The following PTPRT variants were observed in gnomAD, a reference collection of about 807,000 sequenced individuals.
The protein encoded by PTPRT is receptor-type tyrosine-protein phosphatase T.
A neutral mutation model predicts 176.8 loss-of-function variants in PTPRT; 56 were observed. The ratio of observed to expected loss-of-function variants is 0.32; its 90% CI spans 0.26 to 0.40. PTPRT has a LOEUF of 0.40. PTPRT is among the 10% of genes least tolerant of loss of function. The pLI, the probability that PTPRT is intolerant of heterozygous loss-of-function variation, is 1.00. For missense variants in PTPRT, 1,540 were observed against 1,908.2 expected (o/e 0.81, Z 3.60); for synonymous variants, 783 against 739.0 (o/e 1.06, Z -0.96).
At chr20:42,323,304 T>C (rs1050127188) in intron 11 of PTPRT, among the ~76,000 whole-genome samples, 5 of 152,134 alleles carry the variant, frequency 3.3e-5, no homozygotes, top group Non-Finnish European at 4.4e-5. Context: ...TAAAGACACA[T>C]GCACACATAT....
chr20:42,617,046 G>A lies in PTPRT; in HGVS notation c.1153+60820C>T, dbSNP rs1478791482. Among the ~76,000 whole-genome samples, 7 of 136,544 alleles carry A rather than the reference G, an allele frequency of 5.1e-5. 1 individual carries two copies. The highest frequency in any genetic ancestry group is 2.3e-4 in the African/African-American group (7 of 30,648). The allele number at this position is 136,544 out of a possible 152,430, so 89.6% of individuals were successfully genotyped here. On this transcript the variant is annotated intron_variant, in intron 7 of 30. Coordinates refer to ENST00000373187, the MANE Select transcript of PTPRT (RefSeq NM_007050.6). Reference sequence around the variant, plus strand: ...TTCCAAGGGAATGCTTCCAGTTTTTGCCCATTCAGTATGATATTGGCTGTG... The same window carrying A: ...TTCCAAGGGAATGCTTCCAGTTTTTACCCATTCAGTATGATATTGGCTGTG...
At chr20:42,821,303 A>G (rs1274350016) in intron 2 of PTPRT, among the ~76,000 whole-genome samples, 1 of 152,228 alleles carries the variant, frequency 6.6e-6, no homozygotes, top group African/African-American at 2.4e-5. Context: ...AGAACCAAAG[A>G]CAAAAACCAC....
At chr20:42,842,017 CTAA>C (rs10554760) in intron 2 of PTPRT, among the ~76,000 whole-genome samples, 13,260 of 152,234 alleles carry the variant, frequency 0.087, 705 homozygotes, top group Admixed American at 0.15. Context: ...CACGTTCATT[CTAA>C]TCATCACAGT....
intron 1 of PTPRT, among the ~76,000 whole-genome samples, chr20:43,153,503 T>A (rs900151288): frequency 2.0e-5 from 3 of 152,192 alleles, no homozygotes; most frequent in Non-Finnish European, 2.9e-5. Context: ...GTTATCTGTA[T>A]AAAGGTTAGT....
chr20:43,070,291 A>G (rs866999934), intron 1 of PTPRT, among the ~76,000 whole-genome samples: 2 of 152,070 alleles, frequency 1.3e-5, no homozygotes, highest in African/African-American at 2.4e-5. Context: ...TCTCACACCA[A>G]TTAGAATGGC....
At chr20:42,539,017 C>T (rs567962269) in intron 7 of PTPRT, among the ~76,000 whole-genome samples, 1 of 152,282 alleles carries the variant, frequency 6.6e-6, no homozygotes, top group South Asian at 2.1e-4. Flanking sequence ...GTACAAACTC[C>T]TATTTCACTA....
At chr20:43,163,617 T>A (rs1053984493) in intron 1 of PTPRT, among the ~76,000 whole-genome samples, 1 of 149,246 alleles carries the variant, frequency 6.7e-6, no homozygotes, top group South Asian at 2.1e-4. Flanking sequence ...CAGCCTGGGC[T>A]ACAGAGCGAG....
At chr20:42,197,206 C>T (rs1242624498) in intron 16 of PTPRT, among the ~76,000 whole-genome samples, 4 of 151,610 alleles carry the variant, frequency 2.6e-5, no homozygotes, top group East Asian at 2.0e-4. Flanking sequence ...GGTGAAACCC[C>T]GTCTCGACTA....
intron 16 of PTPRT, among the ~76,000 whole-genome samples, chr20:42,162,047 T>A (rs1462123872): frequency 6.6e-6 from 1 of 152,174 alleles, no homozygotes; most frequent in Non-Finnish European, 1.5e-5. Context: ...TATTTTTTTT[T>A]CCTTTGAGTT....
At chr20:42,333,225 C>T (rs752043322) in intron 11 of PTPRT, among the ~76,000 whole-genome samples, 2 of 152,102 alleles carry the variant, frequency 1.3e-5, no homozygotes, top group Non-Finnish European at 2.9e-5. Flanking sequence ...ATCCAATTAT[C>T]TTCTACTAAG....
chr20:42,143,020 G>A (rs1274714666), intron 17 of PTPRT, among the ~76,000 whole-genome samples: 1 of 152,176 alleles, frequency 6.6e-6, no homozygotes, highest in Non-Finnish European at 1.5e-5. Flanking sequence ...TTCAAGGACT[G>A]GAGTGTTGTG....
chr20:42,119,867 T>G, intron 20 of PTPRT, 68 bp downstream of exon 20: 2 of 1,412,728 alleles, frequency 1.4e-6, no homozygotes, highest in Non-Finnish European at 2.0e-6. Context: ...GCCTTGCAGT[T>G]AAGAGAGCCC....
chr20:42,189,563 A>T (rs1025591112), intron 16 of PTPRT, among the ~76,000 whole-genome samples: 1 of 152,226 alleles, frequency 6.6e-6, no homozygotes, highest in South Asian at 2.1e-4. Flanking sequence ...GAAAAGTATA[A>T]TTCAATTTGA....
chr20:43,120,776 T>C (rs1285111782), intron 1 of PTPRT, among the ~76,000 whole-genome samples: 1 of 152,214 alleles, frequency 6.6e-6, no homozygotes, highest in Non-Finnish European at 1.5e-5. Context: ...CTTCCTTCAA[T>C]CAAGCTTTTT....
chr20:43,120,051 C>T (rs1036234939), intron 1 of PTPRT, among the ~76,000 whole-genome samples: 1 of 152,186 alleles, frequency 6.6e-6, no homozygotes, highest in Non-Finnish European at 1.5e-5. Flanking sequence ...AAGCTTTCCT[C>T]CCAACTTGGC....
At position 42,699,941 on chromosome 20, in the gene PTPRT, C is replaced by T. The variant is rs376753679; in HGVS notation, c.860-21782G>A. ...AAATTGATATTATTCTCAGAAGCAG[C>T]CCTAAATAGATGACGTGTCATGTGC... is the stretch of plus-strand genomic sequence containing the variant. On this transcript the variant is annotated intron_variant, in intron 6 of 30. Coordinates refer to ENST00000373187, the MANE Select transcript of PTPRT (RefSeq NM_007050.6). Among the ~76,000 whole-genome samples the T allele has an allele frequency of 7.9e-5, 12 of 152,288 alleles. No individual in the cohort carries two copies. In the East Asian group the frequency reaches 1.7e-3, roughly 22 times the overall value.
chr20:42,463,131 GA>G (rs1294034564), intron 8 of PTPRT, among the ~76,000 whole-genome samples: 1 of 152,092 alleles, frequency 6.6e-6, no homozygotes, highest in Non-Finnish European at 1.5e-5. Flanking sequence ...CCATAGTCAA[GA>G]TGTCCTTTGC....
At chr20:42,867,234 A>G (rs1427251819) in intron 2 of PTPRT, among the ~76,000 whole-genome samples, 2 of 152,146 alleles carry the variant, frequency 1.3e-5, no homozygotes, top group African/African-American at 4.8e-5. Context: ...CTTGTCCCTT[A>G]TCCTCATTTT....
chr20:42,236,589 T>C (rs2056247729), intron 14 of PTPRT, among the ~76,000 whole-genome samples: 1 of 140,748 alleles, frequency 7.1e-6, no homozygotes, highest in Admixed American at 7.8e-5. Flanking sequence ...TCCTTGTAAT[T>C]ATGATTTTTT....
Sources: gnomAD v4.1 joint callset for allele counts (sites outside exome capture counted in the v4.1 genomes callset) on GRCh38, gnomAD v4.1.1 for gene constraint, MANE v1.5 for transcripts, NCBI Gene and HGNC (gene_info 2026-07-23, HGNC 2026-07-21) for gene names.